Variants in OCA2 observed in about 807,000 individuals in gnomAD.
OCA2 encodes the protein P protein.
In OCA2, 77 loss-of-function variants were observed where a neutral mutation model predicts 100.2. The observed-to-expected ratio is 0.77, with a 90% confidence interval of 0.64 to 0.93. The LOEUF is 0.93. Ranked by LOEUF, OCA2 falls within the 40% of genes least tolerant of loss-of-function variation. OCA2 has a pLI of 0.00. For missense variants in OCA2, 1,062 were observed against 1,089.1 expected, an observed-to-expected ratio of 0.98 and a Z score of 0.35; for synonymous variants, 432 against 439.2, an observed-to-expected ratio of 0.98 and a Z score of 0.21.
rs2041483540 is a variant in OCA2 at position 27,989,662 on chromosome 15, G to A, written c.1121C>T (p.Pro374Leu). The A allele has an allele frequency of 6.2e-7, 1 of 1,614,076 alleles. No homozygotes were observed. The highest frequency in any genetic ancestry group is 8.5e-7 in the Non-Finnish European group (1 of 1,179,972). Reference protein sequence around the residue: ...LAALAVIGDRPSLTHVVEWID... With the variant: ...LAALAVIGDRLSLTHVVEWID... ...CCACTCCACCACATGGGTCAGGCTGGGTCTCTGCAATCAAAGCACAAATTT... is the reference window on the plus strand; with the variant it reads ...CCACTCCACCACATGGGTCAGGCTGAGTCTCTGCAATCAAAGCACAAATTT... The change falls in exon 11 of 24, where the codon CCC becomes CTC. Residue 374 changes from proline to leucine, a missense_variant. Pro to Leu is a moderately conservative substitution (Grantham distance 98). Transcript: ENST00000354638.
intron 23 of OCA2, among the ~76,000 whole-genome samples, chr15:27,766,645 G>A (rs1461917692): frequency 6.6e-6 from 1 of 152,166 alleles, no homozygotes; most frequent in Non-Finnish European, 1.5e-5. Flanking sequence ...CACAGAGGGT[G>A]TCCTCTCACC....
intron 23 of OCA2, among the ~76,000 whole-genome samples, chr15:27,806,728 G>A (rs2033868317): frequency 6.6e-6 from 1 of 152,254 alleles, no homozygotes; most frequent in Admixed American, 6.5e-5. Flanking sequence ...TGTGGGAAGA[G>A]GATATTTTCT....
At chr15:27,771,657 A>C (rs2031876570) in intron 23 of OCA2, among the ~76,000 whole-genome samples, 1 of 152,178 alleles carries the variant, frequency 6.6e-6, no homozygotes, top group African/African-American at 2.4e-5. Context: ...TTAATAATAC[A>C]TGTTTTTCCA....
chr15:27,785,072 G>T (rs2032741803), intron 23 of OCA2, among the ~76,000 whole-genome samples: 1 of 151,940 alleles, frequency 6.6e-6, no homozygotes, highest in African/African-American at 2.4e-5. Context: ...GAAAACCAAA[G>T]ACAGAAAAAA....
At chr15:28,041,002 C>G in intron 2 of OCA2, among the ~76,000 whole-genome samples, 1 of 152,114 alleles carries the variant, frequency 6.6e-6, no homozygotes, top group East Asian at 1.9e-4. Flanking sequence ...CTAACTTATT[C>G]TATGAGGCCA....
At chr15:27,760,704 T>C (rs556157555) in intron 23 of OCA2, among the ~76,000 whole-genome samples, 1 of 152,054 alleles carries the variant, frequency 6.6e-6, no homozygotes, top group Admixed American at 6.5e-5. Flanking sequence ...TTAACAATTG[T>C]ATACATATAC....
chr15:27,765,515 G>T (rs1453070432), intron 23 of OCA2, among the ~76,000 whole-genome samples: 1 of 152,188 alleles, frequency 6.6e-6, no homozygotes, highest in East Asian at 1.9e-4. Context: ...GGCTCCAGAG[G>T]AAGGTTTTCA....
chr15:27,859,391 C>A (rs148008549), intron 21 of OCA2, among the ~76,000 whole-genome samples: 1 of 152,130 alleles, frequency 6.6e-6, no homozygotes, highest in Admixed American at 6.5e-5. Context: ...AAACTATAAA[C>A]AATTACATGC....
chr15:27,955,682 T>C lies in OCA2; in HGVS notation c.1785-467A>G, dbSNP rs2040199559. On this transcript the variant is annotated intron_variant, in intron 16 of 23. Transcript: ENST00000354638. ...TTGCTTTAATGTTGTTTTTTATCAA[T>C]CGATGATCACTTCCACGCCTGAAAT... 2.0e-5 allele frequency among the ~76,000 whole-genome samples: 3 copies of C among 151,530 alleles called. No individual in the cohort carries two copies. In the East Asian group the frequency reaches 6.2e-4, roughly 31 times the overall value.
intron 19 of OCA2, among the ~76,000 whole-genome samples, chr15:27,915,514 GC>G (rs1436080389): frequency 2.6e-5 from 4 of 152,028 alleles, no homozygotes; most frequent in East Asian, 1.9e-4. Context: ...AAATTTACAA[GC>G]AAAAAACAAC....
Position 27,851,345 on chromosome 15 carries a change from G to A in OCA2, c.2338+37C>T, listed in dbSNP as rs202034332. 855 of 1,541,960 alleles carry A rather than the reference G, an allele frequency of 5.5e-4. 3 individuals carry two copies. The African/African-American group carries it at 0.01, about 19-fold the overall frequency. On this transcript the variant is annotated intron_variant, in intron 22 of 23. Coordinates refer to ENST00000354638, the MANE Select transcript of OCA2 (RefSeq NM_000275.3). ...CTTTGGGCTGAACCACAGTGTGGGCGTGCACCCCCACCCCCATGCAGTCAG... is the reference window on the plus strand; with the variant it reads ...CTTTGGGCTGAACCACAGTGTGGGCATGCACCCCCACCCCCATGCAGTCAG...
intron 19 of OCA2, among the ~76,000 whole-genome samples, chr15:27,881,633 C>T (rs2037019626): frequency 6.6e-6 from 1 of 152,150 alleles, no homozygotes. Flanking sequence ...TCCATTTCTT[C>T]TAGATTTTCT....
At chr15:27,774,288 G>C (rs766542884) in intron 23 of OCA2, among the ~76,000 whole-genome samples, 2 of 152,202 alleles carry the variant, frequency 1.3e-5, no homozygotes, top group Non-Finnish European at 2.9e-5. Context: ...GCCTCTCTCT[G>C]GCAGTGAGGA....
At chr15:27,731,124 C>A in the OCA2 span, among the ~76,000 whole-genome samples, 1 of 152,130 alleles carries the variant, frequency 6.6e-6, no homozygotes, top group African/African-American at 2.4e-5. Context: ...AGTACACTGG[C>A]TGTAAGTTAC....
chr15:27,869,303 C>T (rs1158639156), intron 21 of OCA2, among the ~76,000 whole-genome samples: 1 of 152,234 alleles, frequency 6.6e-6, no homozygotes, highest in African/African-American at 2.4e-5. Context: ...ATGGGACCCA[C>T]ATTCATGAGG....
chr15:28,006,201 A>T (rs966425839), intron 9 of OCA2, among the ~76,000 whole-genome samples: 9 of 152,148 alleles, frequency 5.9e-5, no homozygotes, highest in African/African-American at 2.2e-4. Flanking sequence ...TTTTCTTTGA[A>T]ATCAGAGCCC....
intron 6 of OCA2, among the ~76,000 whole-genome samples, chr15:28,021,010 C>T (rs1358708376): frequency 6.6e-6 from 1 of 152,194 alleles, no homozygotes; most frequent in African/African-American, 2.4e-5. Context: ...ATTACAGCAA[C>T]TGCAAGGAAA....
chr15:28,057,648 T>C (rs2043743328), intron 2 of OCA2, among the ~76,000 whole-genome samples: 1 of 151,796 alleles, frequency 6.6e-6, no homozygotes, highest in South Asian at 2.1e-4. Context: ...TACTCTTGCA[T>C]TCAAATATTT....
At chr15:27,846,273 A>G (rs1185472121) in intron 22 of OCA2, among the ~76,000 whole-genome samples, 1 of 151,780 alleles carries the variant, frequency 6.6e-6, no homozygotes, top group Non-Finnish European at 1.5e-5. Flanking sequence ...GAGACTCCAC[A>G]CCCTTGCCAA....
Sources: gnomAD v4.1 joint callset for allele counts (sites outside exome capture counted in the v4.1 genomes callset) on GRCh38, gnomAD v4.1.1 for gene constraint, MANE v1.5 for transcripts, NCBI Gene and HGNC (gene_info 2026-07-23, HGNC 2026-07-21) for gene names.